PPP1R12B: variants seen among roughly 807,000 people sequenced by gnomAD.
PPP1R12B encodes the protein myosin phosphatase target subunit 2.
In PPP1R12B, 76 loss-of-function variants were observed where a neutral mutation model predicts 126.1. That is an observed-to-expected ratio of 0.60 (90% confidence interval 0.50 to 0.73). The LOEUF is 0.73. PPP1R12B is among the 30% of genes least tolerant of loss of function. The probability of loss-of-function intolerance (pLI) is 0.00; values close to 1 mark genes in which losing one functional copy is unlikely to be tolerated. For missense variants in PPP1R12B, 1,052 were observed against 1,205.1 expected (o/e 0.87, Z 1.88); for synonymous variants, 356 against 434.7 (o/e 0.82, Z 2.25).
At chr1:202,386,406 A>G (rs1663144656) in intron 1 of PPP1R12B, among the ~76,000 whole-genome samples, 1 of 151,812 alleles carries the variant, frequency 6.6e-6, no homozygotes, top group Non-Finnish European at 1.5e-5. Context: ...ATCTTGGCTC[A>G]CTGCAGCCTC....
At chr1:202,350,526 T>C (rs1291956272) in intron 1 of PPP1R12B, among the ~76,000 whole-genome samples, 1 of 152,232 alleles carries the variant, frequency 6.6e-6, no homozygotes, top group Admixed American at 6.5e-5. Flanking sequence ...AGGAGCTGAA[T>C]GTAAAATGAG....
At chr1:202,514,959 G>A (rs550166310) in intron 18 of PPP1R12B, among the ~76,000 whole-genome samples, 135 of 152,272 alleles carry the variant, frequency 8.9e-4, no homozygotes, top group Admixed American at 2.4e-3. Context: ...ATACTATGCA[G>A]CCATAAAAAA....
chr1:202,452,673 C>T (rs879831665), intron 13 of PPP1R12B, among the ~76,000 whole-genome samples: 34 of 152,234 alleles, frequency 2.2e-4, no homozygotes, highest in South Asian at 1.9e-3. Flanking sequence ...GTGCTAGTGA[C>T]TTTTGTATGT....
At chr1:202,567,409 G>A (rs1688153600) in intron 21 of PPP1R12B, 1 of 185,710 alleles carries the variant, frequency 5.4e-6, no homozygotes, top group Non-Finnish European at 1.1e-5. Flanking sequence ...TTTCCTCTGG[G>A]TTGTGATATT....
At position 202,493,233 on chromosome 1, in the gene PPP1R12B, C is replaced by T; in HGVS notation, c.2061C>T (p.Ser687=). The T allele has an allele frequency of 6.2e-7, 1 of 1,612,978 alleles. No homozygotes were observed. The highest frequency in any genetic ancestry group is 8.5e-7 in the Non-Finnish European group (1 of 1,179,866). Residue 687 remains serine (S), a synonymous_variant, in exon 15 of 24, where the codon AGC becomes AGT. Coordinates refer to ENST00000608999, the MANE Select transcript of PPP1R12B (RefSeq NM_002481.4). ...CAGACACTGAAGGGCTTGAGGGGAG[C>T]CCTGAGAAGCATGAGCCCTCAGCAG... ...KPTDTEGLEG[S]PEKHEPSAVP...
chr1:202,462,191 A>C (rs1674396478), intron 13 of PPP1R12B, among the ~76,000 whole-genome samples: 1 of 152,230 alleles, frequency 6.6e-6, no homozygotes, highest in African/African-American at 2.4e-5. Flanking sequence ...AGCTGTTTAA[A>C]AATAACATTA....
chr1:202,555,303 AC>A (rs1270853833), intron 18 of PPP1R12B, among the ~76,000 whole-genome samples: 7 of 124,856 alleles, frequency 5.6e-5, no homozygotes, highest in African/African-American at 2.1e-4. Flanking sequence ...GCTTGGTAAA[AC>A]CCTAATTTTC....
Position 202,496,749 on chromosome 1 carries a change from G to A in PPP1R12B, c.2449-32G>A, listed in dbSNP as rs369747405. The A allele has an allele frequency of 1.2e-5, 19 of 1,592,606 alleles. No homozygotes were observed. The African/African-American group carries it at 2.4e-4, about 20-fold the overall frequency. On this transcript the variant is annotated intron_variant, in intron 17 of 23. Transcript: ENST00000608999. ...CTTTCAAGGATGTCTGTGACAATGA[G>A]CCTCTTGATTTTCTTCCCTTTTCTT... is the stretch of plus-strand genomic sequence containing the variant.
chr1:202,434,325 A>G (rs1246623595), intron 8 of PPP1R12B, among the ~76,000 whole-genome samples: 1 of 152,210 alleles, frequency 6.6e-6, no homozygotes, highest in Non-Finnish European at 1.5e-5. Flanking sequence ...TCTGCATAAG[A>G]AGTGAAAGGT....
At position 202,562,853 on chromosome 1, in the gene PPP1R12B, G is replaced by A. The variant is rs1687669726; in HGVS notation, c.2583G>A (p.Glu861=). Residue 861 remains glutamate, a synonymous_variant, in exon 20 of 24, where the codon GAG becomes GAA. Coordinates refer to ENST00000608999, the MANE Select transcript of PPP1R12B (RefSeq NM_002481.4). ...GGGCTTCAGCAAGAGCCCGTCGGGA[G>A]GCCCGGGAGGCCCGCCTAGCCACCC... ...GDRASARARR[E]AREARLATLT... 1.2e-6 allele frequency: 2 copies of A among 1,613,044 alleles called. No homozygotes were observed. Among genetic ancestry groups the A allele is most frequent in the Non-Finnish European group, 1.7e-6 (2 of 1,179,658 alleles).
intron 18 of PPP1R12B, among the ~76,000 whole-genome samples, chr1:202,521,237 G>T (rs1402870478): frequency 2.0e-5 from 3 of 152,148 alleles, no homozygotes; most frequent in African/African-American, 7.2e-5. Flanking sequence ...CACATTATCA[G>T]ATTTAAGCTG....
At chr1:202,531,333 G>A (rs1241900747) in intron 18 of PPP1R12B, among the ~76,000 whole-genome samples, 1 of 152,168 alleles carries the variant, frequency 6.6e-6, no homozygotes, top group Non-Finnish European at 1.5e-5. Context: ...TGTTTAGTAT[G>A]AGATCAAAAA....
intron 23 of PPP1R12B, among the ~76,000 whole-genome samples, chr1:202,573,685 A>G (rs1688831036): frequency 6.6e-6 from 1 of 152,196 alleles, no homozygotes; most frequent in Non-Finnish European, 1.5e-5. Context: ...GGCCTTTGAT[A>G]TAATTCCAAT....
At chr1:202,421,048 T>C (rs1372907306) in intron 2 of PPP1R12B, among the ~76,000 whole-genome samples, 3 of 143,622 alleles carry the variant, frequency 2.1e-5, no homozygotes, top group African/African-American at 7.8e-5. Context: ...CTCCGCCACC[T>C]GGGTTCAAAT....
At chr1:202,574,365 C>T (rs547847095) in intron 23 of PPP1R12B, among the ~76,000 whole-genome samples, 1 of 152,236 alleles carries the variant, frequency 6.6e-6, no homozygotes, top group East Asian at 1.9e-4. Flanking sequence ...TAAAAATTAT[C>T]CAGGTATGGT....
At chr1:202,472,763 G>A (rs1290459473) in intron 13 of PPP1R12B, among the ~76,000 whole-genome samples, 4 of 152,208 alleles carry the variant, frequency 2.6e-5, no homozygotes, top group African/African-American at 9.6e-5. Flanking sequence ...CTAGAGCAGG[G>A]ATCAGCAAAT....
chr1:202,520,306 C>T (rs554003564), intron 18 of PPP1R12B, among the ~76,000 whole-genome samples: 30 of 152,250 alleles, frequency 2.0e-4, no homozygotes, highest in African/African-American at 7.2e-4. Context: ...TTCTGAATTC[C>T]CAGTCCAGCA....
chr1:202,566,624 G>A (rs533223824), intron 21 of PPP1R12B, among the ~76,000 whole-genome samples: 2 of 152,292 alleles, frequency 1.3e-5, no homozygotes, highest in African/African-American at 4.8e-5. Context: ...GCTTAGGAAA[G>A]AAAGACTTAC....
At position 202,458,939 on chromosome 1, in the gene PPP1R12B, C is replaced by A. The variant is rs377755630; in HGVS notation, c.1850+9768C>A. On this transcript the variant is annotated intron_variant, in intron 13 of 23. Coordinates refer to ENST00000608999, the MANE Select transcript of PPP1R12B (RefSeq NM_002481.4). Reference sequence around the variant, plus strand: ...TAGAAGGTTCTCTCTCAGAAATAATCTCCATTTGCAGTGTAATTAAAGCAC... The same window carrying A: ...TAGAAGGTTCTCTCTCAGAAATAATATCCATTTGCAGTGTAATTAAAGCAC... 8.5e-5 allele frequency among the ~76,000 whole-genome samples: 13 copies of A among 152,360 alleles called. No homozygotes were observed. In the South Asian group the frequency reaches 1.2e-3, roughly 15 times the overall value.
Sources: gnomAD v4.1 joint callset for allele counts (sites outside exome capture counted in the v4.1 genomes callset) on GRCh38, gnomAD v4.1.1 for gene constraint, MANE v1.5 for transcripts, NCBI Gene and HGNC (gene_info 2026-07-23, HGNC 2026-07-21) for gene names.